FRYL: variants seen among roughly 807,000 people sequenced by gnomAD.
The protein encoded by FRYL is FRY like transcription coactivator, also known as protein furry homolog-like.
Under a neutral mutation model 351.2 loss-of-function variants are expected in FRYL, and 150 were observed. The ratio of observed to expected loss-of-function variants is 0.43; its 90% CI spans 0.37 to 0.49. The LOEUF (loss-of-function observed/expected upper bound fraction) is 0.49. Ranked by LOEUF, FRYL falls within the 20% of genes least tolerant of loss-of-function variation. FRYL has a pLI of 0.00. For synonymous variants in FRYL, 1,153 were observed against 1,257.1 expected (o/e 0.92, Z 1.75); for missense variants, 3,036 against 3,619.3 (o/e 0.84, Z 4.13).
intron 55 of FRYL, 22 bp from the exon 56 acceptor site, chr4:48,515,297 A>G: frequency 6.4e-7 from 1 of 1,555,272 alleles, no homozygotes; most frequent in African/African-American, 1.4e-5. Flanking sequence ...TCATAGTTTT[A>G]GTGAACTATA....
At chr4:48,622,979 TA>T (rs1202181075) in intron 5 of FRYL, 146 bp downstream of exon 5, 8 of 596,080 alleles carry the variant, frequency 1.3e-5, no homozygotes, top group South Asian at 2.2e-5. Flanking sequence ...ACTACTTATT[TA>T]AAAAAACTAT....
intron 1 of FRYL, among the ~76,000 whole-genome samples, chr4:48,740,929 T>G (rs1214277993): frequency 3.3e-5 from 5 of 152,102 alleles, no homozygotes. Flanking sequence ...GAAAACATAT[T>G]TCTACACAAA....
At chr4:48,658,395 T>C (rs1229794801) in intron 3 of FRYL, among the ~76,000 whole-genome samples, 3 of 151,940 alleles carry the variant, frequency 2.0e-5, no homozygotes, top group Non-Finnish European at 4.4e-5. Context: ...CCCACAGATT[T>C]CAGCTTTTCA....
chr4:48,657,354 T>TG (rs1157712356), intron 3 of FRYL, among the ~76,000 whole-genome samples: 1 of 36,654 alleles, frequency 2.7e-5, no homozygotes, highest in Admixed American at 4.6e-4. Context: ...TTTTCTTTTC[T>TG]TTTTTTTTTT....
intron 18 of FRYL, 56 bp downstream of exon 18, chr4:48,589,689 C>T (rs1305629352): frequency 1.3e-5 from 20 of 1,553,900 alleles, no homozygotes; most frequent in Admixed American, 1.8e-5. Flanking sequence ...CAAGAACCAT[C>T]CACACTGTCT....
chr4:48,719,460 G>A (rs1271121386), intron 1 of FRYL, among the ~76,000 whole-genome samples: 1 of 151,592 alleles, frequency 6.6e-6, no homozygotes, highest in Admixed American at 6.6e-5. Flanking sequence ...ATATAAAGAT[G>A]ACAAACCATT....
intron 6 of FRYL, among the ~76,000 whole-genome samples, chr4:48,619,693 G>T (rs1332908354): frequency 6.6e-6 from 1 of 151,950 alleles, no homozygotes; most frequent in African/African-American, 2.4e-5. Flanking sequence ...CTAGAGAAGG[G>T]ATCTCCCTAT....
At chr4:48,555,407 A>G (rs768674057) in intron 35 of FRYL, among the ~76,000 whole-genome samples, 1 of 152,234 alleles carries the variant, frequency 6.6e-6, no homozygotes, top group Non-Finnish European at 1.5e-5. Context: ...GTGTTTGGTG[A>G]TGATTAAGTG....
intron 4 of FRYL, among the ~76,000 whole-genome samples, chr4:48,625,248 C>A (rs1265640056): frequency 2.6e-5 from 4 of 152,122 alleles, no homozygotes; most frequent in Non-Finnish European, 5.9e-5. Flanking sequence ...AATTTAATCT[C>A]CTCTTTGACC....
At chr4:48,539,252 A>G (rs1384886176) in intron 47 of FRYL, among the ~76,000 whole-genome samples, 1 of 152,218 alleles carries the variant, frequency 6.6e-6, no homozygotes, top group Admixed American at 6.5e-5. Flanking sequence ...GAAGAGAAAG[A>G]CTGTTAAGAG....
intron 1 of FRYL, among the ~76,000 whole-genome samples, chr4:48,779,065 C>T (rs1290348375): frequency 1.3e-5 from 2 of 151,308 alleles, no homozygotes; most frequent in Non-Finnish European, 1.5e-5. Context: ...CATATCATTG[C>T]AAATCCACAA....
intron 44 of FRYL, among the ~76,000 whole-genome samples, chr4:48,543,057 C>A (rs1039293843): frequency 1.3e-5 from 2 of 152,138 alleles, no homozygotes; most frequent in African/African-American, 2.4e-5. Flanking sequence ...ATTCTAGCGA[C>A]ACCAATTTTC....
At chr4:48,608,687 T>G (rs1747362743) in intron 9 of FRYL, among the ~76,000 whole-genome samples, 1 of 152,204 alleles carries the variant, frequency 6.6e-6, no homozygotes, top group African/African-American at 2.4e-5. Context: ...TTTAAAAAGA[T>G]TCTAACAGAA....
At chr4:48,639,922 A>G (rs1462672151) in intron 3 of FRYL, among the ~76,000 whole-genome samples, 1 of 152,166 alleles carries the variant, frequency 6.6e-6, no homozygotes, top group Non-Finnish European at 1.5e-5. Flanking sequence ...GCAACCTCAT[A>G]TGTCTTCAGG....
chr4:48,767,439 AACCATATCATGC>A (rs1309774426), intron 1 of FRYL, among the ~76,000 whole-genome samples: 1 of 152,190 alleles, frequency 6.6e-6, no homozygotes, highest in Non-Finnish European at 1.5e-5. Flanking sequence ...CACAAAGCCA[AACCATATCATGC>A]ACATACACAC....
rs190237564 is a variant in FRYL, at chr4:48,668,336, A to T, written c.-81+16337T>A. ...TTTTGAAACTAAGGCTGGAGATCGC[A>T]TCACTGCACTCCAGCCTAGGTGACA... On this transcript the variant is annotated intron_variant, in intron 3 of 63. Transcript: ENST00000358350. Among the ~76,000 whole-genome samples, 11 of 151,698 alleles carry T rather than the reference A, an allele frequency of 7.3e-5. No individual in the cohort carries two copies. The East Asian group carries it at 2.1e-3, about 29-fold the overall frequency.
intron 3 of FRYL, among the ~76,000 whole-genome samples, chr4:48,652,406 T>C (rs1189433006): frequency 6.6e-6 from 1 of 152,224 alleles, no homozygotes; most frequent in Non-Finnish European, 1.5e-5. Flanking sequence ...TGAGCAAAAA[T>C]GTATTCTACA....
intron 62 of FRYL, among the ~76,000 whole-genome samples, chr4:48,500,665 T>C (rs1458464383): frequency 1.3e-5 from 2 of 152,228 alleles, no homozygotes; most frequent in East Asian, 3.8e-4. Flanking sequence ...TCCCCAGTGA[T>C]AGTTTTATTA....
rs76089892 is a variant in FRYL, at chr4:48,710,595, T to C, written c.-280A>G. 4.6e-4 allele frequency: 183 copies of C among 398,612 alleles called. No homozygotes were observed. The highest frequency in any genetic ancestry group is 3.6e-3 in the African/African-American group (177 of 48,754). 24.7% of individuals were successfully genotyped at this position (398,612 alleles called of 1,614,324 possible). A position where few individuals can be genotyped will look rare whatever the true frequency, so the allele number is the denominator to read the frequency against. The stretch of plus-strand genomic sequence containing the variant: ...TGGAAAGGATCCATCTAGAAGCTTT[T>C]TTGATCTGGAGCTTGTACTTTACAG... On this transcript the variant is annotated 5_prime_UTR_variant, in exon 2 of 64. Transcript: ENST00000358350.
Sources: gnomAD v4.1 joint callset for allele counts (sites outside exome capture counted in the v4.1 genomes callset) on GRCh38, gnomAD v4.1.1 for gene constraint, MANE v1.5 for transcripts, NCBI Gene and HGNC (gene_info 2026-07-23, HGNC 2026-07-21) for gene names.